DGKB: variants seen among roughly 807,000 people sequenced by gnomAD.
The protein encoded by DGKB is 90 kDa diacylglycerol kinase.
DGKB carries 67 observed loss-of-function variants against 114.3 expected under a neutral mutation model. That is an observed-to-expected ratio of 0.59 (90% CI 0.48 to 0.72). The LOEUF (loss-of-function observed/expected upper bound fraction) is 0.72. Among genes scored for constraint, DGKB ranks in the 30% least tolerant of loss-of-function variants. The pLI, the probability that DGKB is intolerant of heterozygous loss-of-function variation, is 0.00. For synonymous variants in DGKB, 398 were observed against 323.1 expected (o/e 1.23, Z -2.49); for missense variants, 907 against 975.2 (o/e 0.93, Z 0.93).
At chr7:14,622,852 C>G (rs984702885) in intron 14 of DGKB, among the ~76,000 whole-genome samples, 5 of 152,146 alleles carry the variant, frequency 3.3e-5, no homozygotes, top group African/African-American at 9.7e-5. Context: ...ATTCTGCAGT[C>G]TGCTGGAAAA....
intron 1 of DGKB, among the ~76,000 whole-genome samples, chr7:14,866,842 C>T (rs968877925): frequency 6.6e-6 from 1 of 152,114 alleles, no homozygotes; most frequent in African/African-American, 2.4e-5. Context: ...TTTTGCTTCC[C>T]ACCAGCAATG....
rs200803365 is a variant in DGKB at position 14,892,862 on chromosome 7, A to ATG, written c.-188+9729_-188+9730insCA. Among the ~76,000 whole-genome samples, 387 of 76,220 alleles carry ATG rather than the reference A, an allele frequency of 5.1e-3. 2 individuals carry two copies. In the East Asian group the frequency reaches 0.094, roughly 18 times the overall value. The allele number at this position is 76,220 out of a possible 152,430, so 50.0% of individuals were successfully genotyped here. A position where few individuals can be genotyped will look rare whatever the true frequency, so the allele number is the denominator to read the frequency against. On this transcript the variant is annotated intron_variant, in intron 1 of 25. Coordinates refer to ENST00000402815, the MANE Select transcript of DGKB (RefSeq NM_001350709.2). ...CAAAGTCAACTAATACCATATATAT[A>ATG]TATGTGTGTGTGTGTGTGTGTGTGT...
chr7:14,473,992 G>A (rs184479473), intron 21 of DGKB, among the ~76,000 whole-genome samples: 26 of 152,314 alleles, frequency 1.7e-4, no homozygotes, highest in African/African-American at 5.5e-4. Flanking sequence ...ACTTTGGACT[G>A]TGGACTTTTG....
At chr7:14,817,494 C>T (rs578047541) in intron 2 of DGKB, among the ~76,000 whole-genome samples, 26 of 151,918 alleles carry the variant, frequency 1.7e-4, no homozygotes, top group African/African-American at 5.1e-4. Context: ...GTATTGATGA[C>T]GATAAAAACA....
In DGKB at chr7:14,921,788, G is replaced by C. The variant is rs185550132; in HGVS notation, c.-188+52908C>G. Reference sequence around the variant, plus strand: ...GAGATTACTTTGACAACTATACTAAGGAATTTGAAACTTACCCTAAAAACT... The same window carrying C: ...GAGATTACTTTGACAACTATACTAACGAATTTGAAACTTACCCTAAAAACT... On this transcript the variant is annotated intron_variant, in intron 1 of 4. Transcript: ENST00000437998. Among the ~76,000 whole-genome samples the C allele has an allele frequency of 2.4e-4, 36 of 152,214 alleles. No individual in the cohort carries two copies. The East Asian group carries it at 6.4e-3, about 27-fold the overall frequency.
intron 1 of DGKB, among the ~76,000 whole-genome samples, chr7:14,942,180 G>A (rs1431340342): frequency 4.0e-5 from 6 of 151,488 alleles, no homozygotes; most frequent in East Asian, 3.9e-4. Context: ...TCCTCATTCC[G>A]GATCCTGAAT....
At chr7:14,733,721 G>GAGAAAGAAATAAAGA (rs71954786) in intron 5 of DGKB, among the ~76,000 whole-genome samples, 1 of 146,126 alleles carries the variant, frequency 6.8e-6, no homozygotes, top group African/African-American at 2.6e-5. Flanking sequence ...AAGAGAGAAA[G>GAGAAAGAAATAAAGA]AGAAAGAAAT....
chr7:14,148,851 T>C lies in DGKB; in HGVS notation c.*280A>G, dbSNP rs1451947275. On this transcript the variant is annotated 3_prime_UTR_variant, in exon 26 of 26. Transcript: ENST00000402815. ...TTAGTAAAAGGAAATTGGGGAAGAG[T>C]TGGGTGGGAGATGTAAAAATCTATG... is the stretch of plus-strand genomic sequence containing the variant. 2 of 413,426 alleles carry C rather than the reference T, an allele frequency of 4.8e-6. No individual in the cohort carries two copies. The highest frequency in any genetic ancestry group is 4.2e-5 in the Admixed American group (1 of 23,624). 25.6% of individuals were successfully genotyped at this position (413,426 alleles called of 1,614,324 possible). A position where few individuals can be genotyped will look rare whatever the true frequency, so the allele number is the denominator to read the frequency against.
At chr7:14,597,096 T>A (rs1465336270) in intron 17 of DGKB, among the ~76,000 whole-genome samples, 1 of 152,070 alleles carries the variant, frequency 6.6e-6, no homozygotes, top group African/African-American at 2.4e-5. Context: ...ATATGACAGC[T>A]ACTCGGGAGG....
intron 20 of DGKB, among the ~76,000 whole-genome samples, chr7:14,563,864 T>C (rs1212229437): frequency 1.3e-5 from 2 of 152,166 alleles, no homozygotes; most frequent in African/African-American, 4.8e-5. Context: ...AAGTTTTCCT[T>C]CCTCAGAGAA....
intron 2 of DGKB, among the ~76,000 whole-genome samples, chr7:14,838,823 G>A (rs917426322): frequency 2.0e-5 from 3 of 151,938 alleles, no homozygotes; most frequent in Non-Finnish European, 2.9e-5. Context: ...ACTCAAGTAC[G>A]GCATATTTTG....
intron 25 of DGKB, among the ~76,000 whole-genome samples, chr7:14,151,665 T>G (rs557397255): frequency 4.6e-4 from 70 of 152,102 alleles, no homozygotes; most frequent in Non-Finnish European, 9.1e-4. Context: ...TAATCATTTC[T>G]ACAGTCAAAG....
chr7:14,548,986 G>A (rs1222727836), intron 20 of DGKB, among the ~76,000 whole-genome samples: 1 of 151,798 alleles, frequency 6.6e-6, no homozygotes, highest in Non-Finnish European at 1.5e-5. Context: ...AATCAATGAG[G>A]AGGAGTGAAA....
intron 1 of DGKB, among the ~76,000 whole-genome samples, chr7:14,858,376 C>G (rs934840044): frequency 9.2e-5 from 14 of 152,078 alleles, no homozygotes; most frequent in African/African-American, 2.4e-4. Flanking sequence ...TATGAACATA[C>G]TTTTCTCTTA....
intron 21 of DGKB, among the ~76,000 whole-genome samples, chr7:14,453,490 G>C (rs1029500606): frequency 1.3e-5 from 2 of 152,028 alleles, no homozygotes; most frequent in African/African-American, 2.4e-5. Context: ...CTCCACCAAG[G>C]CTCAAAATTC....
intron 23 of DGKB, among the ~76,000 whole-genome samples, chr7:14,233,267 G>T (rs900784837): frequency 2.0e-5 from 3 of 152,178 alleles, no homozygotes; most frequent in South Asian, 4.1e-4. Context: ...CCCCACCCTA[G>T]TCTGGTGATC....
intron 8 of DGKB, among the ~76,000 whole-genome samples, chr7:14,695,511 T>A (rs1461577082): frequency 1.5e-5 from 2 of 134,358 alleles, no homozygotes; most frequent in African/African-American, 2.9e-5. Flanking sequence ...TTTTTTTTTT[T>A]TTTTTTGAGA....
intron 21 of DGKB, among the ~76,000 whole-genome samples, chr7:14,398,005 C>T (rs1285647490): frequency 6.6e-6 from 1 of 152,028 alleles, no homozygotes; most frequent in African/African-American, 2.4e-5. Flanking sequence ...CAGATGGCCA[C>T]AATTTTACTG....
intron 23 of DGKB, among the ~76,000 whole-genome samples, chr7:14,274,019 A>G (rs1798638133): frequency 6.6e-6 from 1 of 152,238 alleles, no homozygotes; most frequent in Admixed American, 6.5e-5. Context: ...AGATTATTCT[A>G]GACCTCATGA....
Sources: allele counts gnomAD v4.1 joint callset (sites outside exome capture counted in the v4.1 genomes callset), GRCh38; gene constraint gnomAD v4.1.1; transcripts MANE v1.5; gene names NCBI Gene and HGNC (gene_info 2026-07-23, HGNC 2026-07-21).